The following MID1 variants were observed in gnomAD, a reference collection of about 807,000 sequenced individuals.
MID1 encodes the protein E3 ubiquitin-protein ligase Midline-1.
MID1 carries 7 observed loss-of-function variants against 40.4 expected under a neutral mutation model. That is an observed-to-expected ratio of 0.17 (90% CI 0.10 to 0.33). The LOEUF (loss-of-function observed/expected upper bound fraction) is 0.33, where lower values mean the gene tolerates loss of function less well. Ranked by LOEUF, MID1 falls within the 10% of genes least tolerant of loss-of-function variation. The pLI is 1.00. For synonymous variants in MID1, 229 were observed against 221.2 expected, an observed-to-expected ratio of 1.04 and a Z score of -0.31; for missense variants, 367 against 558.5, an observed-to-expected ratio of 0.66 and a Z score of 3.46.
chrX:10,730,092 A>T (rs2043432826), intron 1 of MID1, among the ~76,000 whole-genome samples: 1 of 108,347 alleles, frequency 9.2e-6, no homozygotes. Context: ...TCAAAAAAAA[A>T]AAAATAAATA....
intron 1 of MID1, among the ~76,000 whole-genome samples, chrX:10,819,072 T>C (rs112432021): frequency 0.034 from 3,772 of 111,705 alleles, 175 homozygotes; most frequent in African/African-American, 0.12. Context: ...AAGCAACACA[T>C]ATATACATTG....
chrX:10,518,547 C>T (rs751900827), intron 3 of MID1, among the ~76,000 whole-genome samples: 6 of 110,703 alleles, frequency 5.4e-5, no homozygotes, highest in Non-Finnish European at 1.1e-4. Context: ...TATCATCTTG[C>T]TGGTTCCTTC....
At chrX:10,696,354 G>C (rs1478679297) in intron 1 of MID1, among the ~76,000 whole-genome samples, 1 of 111,943 alleles carries the variant, frequency 8.9e-6, no homozygotes, top group Non-Finnish European at 1.9e-5. Context: ...AAGAAGCAGG[G>C]GAGAAGAGAT....
intron 2 of MID1, among the ~76,000 whole-genome samples, chrX:10,563,555 C>T (rs1448909437): frequency 1.8e-5 from 2 of 112,032 alleles, no homozygotes; most frequent in Non-Finnish European, 3.8e-5. Context: ...GACTGAGAGG[C>T]TTCTTAAAAT....
chrX:10,754,363 C>T (rs1403596384), intron 1 of MID1, among the ~76,000 whole-genome samples: 1 of 108,422 alleles, frequency 9.2e-6, no homozygotes, highest in Non-Finnish European at 1.9e-5. Context: ...ACATCAGCTG[C>T]CACCAGAGAT....
intron 1 of MID1, among the ~76,000 whole-genome samples, chrX:10,629,833 C>T (rs1936032744): frequency 8.9e-6 from 1 of 111,919 alleles, no homozygotes; most frequent in African/African-American, 3.2e-5. Flanking sequence ...TTCTAGCCAT[C>T]GATTTCATTA....
intron 1 of MID1, among the ~76,000 whole-genome samples, chrX:10,773,120 T>C (rs1364993668): frequency 2.7e-5 from 3 of 112,226 alleles, no homozygotes; most frequent in East Asian, 2.8e-4. Context: ...TTATTGATAA[T>C]GAAATATGTA....
chrX:10,463,680 G>T (rs1929180860), intron 7 of MID1, among the ~76,000 whole-genome samples: 1 of 111,896 alleles, frequency 8.9e-6, no homozygotes, highest in Non-Finnish European at 1.9e-5. Flanking sequence ...TGCTACCACT[G>T]TGGCAAACAC....
At chrX:10,794,737 C>T (rs1006928745) in intron 1 of MID1, among the ~76,000 whole-genome samples, 5 of 112,018 alleles carry the variant, frequency 4.5e-5, no homozygotes, top group South Asian at 7.4e-4. Flanking sequence ...AGTTTGTGGA[C>T]GATTTCCTTT....
At chrX:10,790,448 T>A (rs2043921947) in intron 1 of MID1, among the ~76,000 whole-genome samples, 1 of 110,927 alleles carries the variant, frequency 9.0e-6, no homozygotes, top group Non-Finnish European at 1.9e-5. Flanking sequence ...CCAGCACCCT[T>A]GCTGCTTGGC....
chrX:10,574,988 C>T (rs1934832555), intron 1 of MID1, among the ~76,000 whole-genome samples: 1 of 112,602 alleles, frequency 8.9e-6, no homozygotes, highest in Non-Finnish European at 1.9e-5. Context: ...GACAAACACA[C>T]TGTTAAAATT....
At chrX:10,654,632 T>C (rs1328799915) in intron 1 of MID1, among the ~76,000 whole-genome samples, 5 of 112,149 alleles carry the variant, frequency 4.5e-5, no homozygotes, top group African/African-American at 1.6e-4. Context: ...CACTGGCCAC[T>C]CATCTCCTAC....
At chrX:10,452,277 T>C (rs1439977906) in intron 9 of MID1, among the ~76,000 whole-genome samples, 1 of 111,922 alleles carries the variant, frequency 8.9e-6, no homozygotes, top group Non-Finnish European at 1.9e-5. Context: ...TTATTACTCA[T>C]TTAGTTAACA....
rs934251561 is a variant in MID1 at position 10,814,126 on chromosome X, T to G, written c.-187+19428A>C. On this transcript the variant is annotated intron_variant, in intron 1 of 10. Coordinates refer to the MID1 transcript ENST00000380785. ...AAATTTAAACATGTAAAAACCATTC[T>G]TAGCTCACAGGCCATACAAAAGAGG... is the stretch of plus-strand genomic sequence containing the variant. Among the ~76,000 whole-genome samples the G allele has an allele frequency of 3.6e-5, 4 of 111,994 alleles. No homozygotes were observed. In the East Asian group the frequency reaches 8.4e-4, roughly 24 times the overall value.
intron 1 of MID1, among the ~76,000 whole-genome samples, chrX:10,613,893 T>G (rs1935796227): frequency 9.3e-6 from 1 of 107,046 alleles, no homozygotes; most frequent in East Asian, 3.0e-4. Flanking sequence ...TACTGATCTA[T>G]TTAGTCCTTG....
intron 1 of MID1, among the ~76,000 whole-genome samples, chrX:10,631,108 C>T (rs1280276455): frequency 3.6e-5 from 4 of 111,491 alleles, no homozygotes; most frequent in African/African-American, 1.3e-4. Context: ...AACATAAATA[C>T]TTAATTTATT....
chrX:10,465,214 T>TATATACACACACACAC (rs1477864693), intron 7 of MID1, among the ~76,000 whole-genome samples: 4 of 39,900 alleles, frequency 1.0e-4, no homozygotes, highest in African/African-American at 2.8e-4. Flanking sequence ...TATATATATA[T>TATATACACACACACAC]ACACACACAC....
intron 1 of MID1, among the ~76,000 whole-genome samples, chrX:10,759,379 A>G (rs745317589): frequency 1.6e-4 from 18 of 111,921 alleles, no homozygotes; most frequent in Non-Finnish European, 3.4e-4. Flanking sequence ...TTTCTCTTGC[A>G]GTGGGAAGGA....
chrX:10,698,128 G>A (rs1164052203), intron 1 of MID1, among the ~76,000 whole-genome samples: 1 of 112,232 alleles, frequency 8.9e-6, no homozygotes, highest in African/African-American at 3.2e-5. Flanking sequence ...GATGGAGAGA[G>A]CATGTTTTCC....
Sources: allele counts gnomAD v4.1 joint callset (sites outside exome capture counted in the v4.1 genomes callset), GRCh38; gene constraint gnomAD v4.1.1; transcripts MANE v1.5; gene names NCBI Gene and HGNC (gene_info 2026-07-23, HGNC 2026-07-21).